BABAM2: variants seen among roughly 807,000 people sequenced by gnomAD.
BABAM2 encodes BRISC and BRCA1 A complex member 2, also known as BRISC and BRCA1-A complex member 2.
In BABAM2, 31 loss-of-function variants were observed where a neutral mutation model predicts 54.7. That is an observed-to-expected ratio of 0.57 (90% CI 0.43 to 0.77). The LOEUF (loss-of-function observed/expected upper bound fraction) is 0.77, where lower values mean the gene tolerates loss of function less well. Ranked by LOEUF, BABAM2 falls within the 30% of genes least tolerant of loss-of-function variation. The pLI is 0.00. For missense variants in BABAM2, 364 were observed against 455.8 expected (o/e 0.80, Z 1.83); for synonymous variants, 167 against 162.9 (o/e 1.03, Z -0.19).
intron 10 of BABAM2, among the ~76,000 whole-genome samples, chr2:28,287,444 T>A (rs1311652326): frequency 6.6e-6 from 1 of 152,224 alleles, no homozygotes; most frequent in East Asian, 1.9e-4. Flanking sequence ...TTTGTACATG[T>A]CTAGTGCAGT....
intron 9 of BABAM2, 38 bp from the exon 10 acceptor site, chr2:28,244,742 G>GT (rs756849209): frequency 9.6e-5 from 149 of 1,550,330 alleles, no homozygotes; most frequent in South Asian, 4.3e-4. Flanking sequence ...TTTTATGAGG[G>GT]TTTTTTTTGT....
At position 28,137,791 on chromosome 2, in the gene BABAM2, A is replaced by G. The variant is rs149482342; in HGVS notation, c.680+8411A>G. ...GTGATAATTCAAATCTCACTGGTAC[A>G]TGTTTCTTAAACTTGTTTGACCCTT... On this transcript the variant is annotated intron_variant, in intron 7 of 11. Coordinates refer to ENST00000379624, the MANE Select transcript of BABAM2 (RefSeq NM_199191.3). Among the ~76,000 whole-genome samples the G allele has an allele frequency of 5.0e-3, 757 of 152,312 alleles. 7 individuals carry two copies. The highest frequency in any genetic ancestry group is 4.8e-3 in the Non-Finnish European group (328 of 68,030).
At chr2:27,960,786 A>C (rs981558326) in intron 3 of BABAM2, among the ~76,000 whole-genome samples, 6 of 152,196 alleles carry the variant, frequency 3.9e-5, no homozygotes, top group African/African-American at 1.4e-4. Flanking sequence ...AGGACTTCTG[A>C]GTCCCAAGCC....
At chr2:28,064,153 A>G (rs1470684659) in intron 6 of BABAM2, among the ~76,000 whole-genome samples, 3 of 152,200 alleles carry the variant, frequency 2.0e-5, no homozygotes, top group Admixed American at 6.5e-5. Context: ...GGAACTTTTT[A>G]GTGGAGACCC....
chr2:28,137,365 T>C (rs1199548146), intron 7 of BABAM2, among the ~76,000 whole-genome samples: 1 of 152,196 alleles, frequency 6.6e-6, no homozygotes, highest in African/African-American at 2.4e-5. Flanking sequence ...AGAAGATATG[T>C]ATTTGATTTT....
chr2:28,145,898 A>G (rs1671451212), intron 7 of BABAM2, among the ~76,000 whole-genome samples: 1 of 152,156 alleles, frequency 6.6e-6, no homozygotes, highest in Non-Finnish European at 1.5e-5. Flanking sequence ...ATGTTTTAGC[A>G]TGTATCAATA....
At chr2:28,245,577 CAGTG>C (rs1222635798) in intron 10 of BABAM2, among the ~76,000 whole-genome samples, 1 of 152,114 alleles carries the variant, frequency 6.6e-6, no homozygotes, top group Non-Finnish European at 1.5e-5. Flanking sequence ...ATGTAAGAAC[CAGTG>C]ACCCATGGAG....
chr2:28,078,773 G>C (rs529450105), intron 6 of BABAM2, among the ~76,000 whole-genome samples: 25 of 152,270 alleles, frequency 1.6e-4, no homozygotes, highest in African/African-American at 5.8e-4. Flanking sequence ...ATGTCCAGTA[G>C]CTAGGATATG....
At chr2:28,154,990 CT>C (rs1672413475) in intron 7 of BABAM2, among the ~76,000 whole-genome samples, 1 of 152,110 alleles carries the variant, frequency 6.6e-6, no homozygotes, top group African/African-American at 2.4e-5. Context: ...ATTCCATTTG[CT>C]TTATCTGTAT....
At chr2:28,275,209 C>CACCT (rs1685773329) in intron 10 of BABAM2, among the ~76,000 whole-genome samples, 1 of 152,206 alleles carries the variant, frequency 6.6e-6, no homozygotes, top group Non-Finnish European at 1.5e-5. Flanking sequence ...TTGGATGAAG[C>CACCT]CAACGGATCT....
At chr2:27,973,218 A>G (rs1353310437) in intron 3 of BABAM2, among the ~76,000 whole-genome samples, 1 of 152,136 alleles carries the variant, frequency 6.6e-6, no homozygotes, top group Non-Finnish European at 1.5e-5. Context: ...CAGACATACT[A>G]AGAAGAATTA....
intron 7 of BABAM2, among the ~76,000 whole-genome samples, chr2:28,203,960 A>G (rs149822931): frequency 6.6e-6 from 1 of 152,262 alleles, no homozygotes; most frequent in African/African-American, 2.4e-5. Context: ...CCTTGCCAAT[A>G]CTTTGTATTA....
intron 7 of BABAM2, among the ~76,000 whole-genome samples, chr2:28,227,310 G>A (rs562115326): frequency 6.6e-6 from 1 of 152,196 alleles, no homozygotes; most frequent in Admixed American, 6.5e-5. Flanking sequence ...GGCACCCTGG[G>A]CAGCCTGAAA....
chr2:28,291,608 TAAAC>T (rs1224741306), intron 10 of BABAM2, among the ~76,000 whole-genome samples: 2 of 150,940 alleles, frequency 1.3e-5, no homozygotes, highest in Non-Finnish European at 3.0e-5. Context: ...AAAAAAAAAA[TAAAC>T]AAAGATAATT....
intron 10 of BABAM2, among the ~76,000 whole-genome samples, chr2:28,258,907 G>C (rs1365879042): frequency 6.6e-6 from 1 of 151,524 alleles, no homozygotes; most frequent in Admixed American, 6.6e-5. Flanking sequence ...CTCCCGAGTA[G>C]CTGGGACTAC....
intron 2 of BABAM2, among the ~76,000 whole-genome samples, chr2:27,898,893 G>A (rs1207175971): frequency 1.3e-5 from 2 of 151,646 alleles, no homozygotes; most frequent in African/African-American, 4.8e-5. Flanking sequence ...GATGAAGAAT[G>A]ATCAAATTGC....
intron 7 of BABAM2, among the ~76,000 whole-genome samples, chr2:28,216,948 T>C (rs769144212): frequency 2.0e-5 from 3 of 152,214 alleles, no homozygotes; most frequent in Non-Finnish European, 4.4e-5. Context: ...ACATTCGCTC[T>C]GCCAGAAGGT....
intron 2 of BABAM2, among the ~76,000 whole-genome samples, chr2:27,914,082 C>G (rs979443488): frequency 6.6e-6 from 1 of 152,128 alleles, no homozygotes; most frequent in Admixed American, 6.5e-5. Context: ...TTGTTTTAAT[C>G]TACACCAGAA....
intron 6 of BABAM2, among the ~76,000 whole-genome samples, chr2:28,117,297 G>C (rs1286078803): frequency 1.3e-5 from 2 of 152,240 alleles, no homozygotes; most frequent in Non-Finnish European, 2.9e-5. Flanking sequence ...AAATAACCCA[G>C]AGATGAAAGC....
Sources: gnomAD v4.1 joint callset for allele counts (sites outside exome capture counted in the v4.1 genomes callset) on GRCh38, gnomAD v4.1.1 for gene constraint, MANE v1.5 for transcripts, NCBI Gene and HGNC (gene_info 2026-07-23, HGNC 2026-07-21) for gene names.